Variants in POLQ observed in about 807,000 individuals in gnomAD.
The protein encoded by POLQ is DNA polymerase theta, also known as epididymis secretory sperm binding protein.
Under a neutral mutation model 259.2 loss-of-function variants are expected in POLQ, and 233 were observed. That is an observed-to-expected ratio of 0.90 (90% CI 0.81 to 1.00). POLQ has a LOEUF of 1.00. Ranked by LOEUF, POLQ falls within the 50% of genes least tolerant of loss-of-function variation. POLQ has a pLI of 0.00. For missense variants in POLQ, 2,871 were observed against 3,051.6 expected (o/e 0.94, Z 1.39); for synonymous variants, 1,025 against 1,048.8 (o/e 0.98, Z 0.44).
chr3:121,433,340 A>G (rs1312675398), intron 28 of POLQ, among the ~76,000 whole-genome samples: 1 of 152,174 alleles, frequency 6.6e-6, no homozygotes, highest in African/African-American at 2.4e-5. Context: ...CTATCCATGG[A>G]GTCCCCCAAC....
At chr3:121,458,515 C>T (rs73191799) in intron 25 of POLQ, among the ~76,000 whole-genome samples, 5,496 of 152,288 alleles carry the variant, frequency 0.036, 149 homozygotes, top group Middle Eastern at 0.082. Context: ...TTCTGTGCTT[C>T]AGTTTCCTCC....
Position 121,483,546 on chromosome 3 carries a change from G to T in POLQ, c.5810C>A (p.Pro1937Gln). ...SASLVPPSLD[P>Q]SLTLKDRMWY... ...CATCCTGTCTTTCAAAGTCAGGCTT[G>T]GATCTAAAGAAGGTGGAACCAAACT... The change falls in exon 18 of 30, where the codon CCA becomes CAA. Residue 1937 changes from proline to glutamine, a missense_variant. This residue lies in a region of POLQ where 2,080 missense variants were observed against 2,126.0 expected (regional missense o/e 0.98). Transcript: ENST00000264233. 3 of 1,564,444 alleles carry T rather than the reference G, an allele frequency of 1.9e-6. No homozygotes were observed. The highest frequency in any genetic ancestry group is 1.7e-6 in the Non-Finnish European group (2 of 1,162,628).
At chr3:121,539,997 T>C (rs946029045) in intron 3 of POLQ, among the ~76,000 whole-genome samples, 2 of 152,132 alleles carry the variant, frequency 1.3e-5, no homozygotes, top group African/African-American at 4.8e-5. Flanking sequence ...TAATGACCAA[T>C]TTTTTAATGT....
chr3:121,451,590 C>G (rs1026439636), intron 25 of POLQ, among the ~76,000 whole-genome samples: 1 of 152,246 alleles, frequency 6.6e-6, no homozygotes, highest in Non-Finnish European at 1.5e-5. Context: ...GCAGCGGAGG[C>G]TGCAGAACAG....
At chr3:121,541,862 T>C (rs562498576) in intron 2 of POLQ, among the ~76,000 whole-genome samples, 2 of 152,182 alleles carry the variant, frequency 1.3e-5, no homozygotes, top group South Asian at 4.1e-4. Context: ...TGGTGGCTCA[T>C]GCCTGTAATC....
chr3:121,522,711 C>T (rs1306804476), intron 7 of POLQ, among the ~76,000 whole-genome samples: 1 of 152,026 alleles, frequency 6.6e-6, no homozygotes, highest in Admixed American at 6.6e-5. Flanking sequence ...TTAAATCTCC[C>T]CAGGCAATTC....
rs200680671 is a variant in POLQ at position 121,498,674 on chromosome 3, A to C, written c.1960-4T>G. On this transcript the variant is annotated splice_region_variant and splice_polypyrimidine_tract_variant and intron_variant, in intron 12 of 29. Transcript: ENST00000264233. ...AATCCTCAAACATAGGTGTAACCTA[A>C]AAGGAAGAAGTATTATTCATTAACT... The C allele has an allele frequency of 3.8e-6, 6 of 1,594,624 alleles. No homozygotes were observed. In the East Asian group the frequency reaches 1.1e-4, roughly 30 times the overall value.
chr3:121,458,727 G>C (rs748322496), intron 25 of POLQ, among the ~76,000 whole-genome samples: 6 of 152,194 alleles, frequency 3.9e-5, no homozygotes, highest in Non-Finnish European at 8.8e-5. Flanking sequence ...GTTAGAGAAA[G>C]TGTTCCATGC....
intron 26 of POLQ, among the ~76,000 whole-genome samples, chr3:121,448,806 T>G (rs932684676): frequency 6.6e-6 from 1 of 152,200 alleles, no homozygotes; most frequent in Non-Finnish European, 1.5e-5. Context: ...TATGACCATA[T>G]GCATTTGTCA....
intron 12 of POLQ, among the ~76,000 whole-genome samples, 181 bp downstream of exon 12, chr3:121,509,380 A>G (rs1035574814): frequency 6.6e-6 from 1 of 152,234 alleles, no homozygotes; most frequent in African/African-American, 2.4e-5. Context: ...AAAGGTAACT[A>G]GAACATTTAG....
chr3:121,511,315 T>C (rs1199538975), intron 10 of POLQ, among the ~76,000 whole-genome samples: 2 of 149,552 alleles, frequency 1.3e-5, no homozygotes, highest in African/African-American at 2.5e-5. Flanking sequence ...CGAGAATTCC[T>C]TGAACCCAGG....
In POLQ at chr3:121,487,839, TAGA is replaced by T; in HGVS notation, c.5089_5091del (p.Ser1697del). On this transcript the variant is annotated inframe_deletion, in exon 16 of 30. Transcript: ENST00000264233. ...TCAATCTTGCTTTTTACTTCATTAT[TAGA>T]AGAAAATGAAATTCCCTGCACTTGT... 1 of 1,610,282 alleles carries T rather than the reference TAGA, an allele frequency of 6.2e-7. No homozygotes were observed. Among genetic ancestry groups the T allele is most frequent in the Non-Finnish European group, 8.5e-7 (1 of 1,178,862 alleles).
chr3:121,441,266 G>A (rs1418631956), intron 26 of POLQ, among the ~76,000 whole-genome samples: 4 of 151,998 alleles, frequency 2.6e-5, no homozygotes, highest in Admixed American at 6.6e-5. Flanking sequence ...AAAAATCAGT[G>A]CTGAGGTATA....
rs199746530 is a variant in POLQ at position 121,432,082 on chromosome 3, GTAAC to G, written c.*218_*221del. The G allele has an allele frequency of 3.2e-3, 1,346 of 414,586 alleles. 11 individuals carry two copies. The highest frequency in any genetic ancestry group is 0.025 in the African/African-American group (1,209 of 48,604). 25.7% of individuals were successfully genotyped at this position (414,586 alleles called of 1,614,324 possible). A position where few individuals can be genotyped will look rare whatever the true frequency, so the allele number is the denominator to read the frequency against. On this transcript the variant is annotated 3_prime_UTR_variant, in exon 30 of 30. Transcript: ENST00000264233. ...TCATAGATGCTCTTTGAAAGTGAAT[GTAAC>G]TATTATACTTGGTATTCTACTTCCC... is the stretch of plus-strand genomic sequence containing the variant.
intron 14 of POLQ, among the ~76,000 whole-genome samples, chr3:121,495,798 G>A (rs1413571212): frequency 7.1e-6 from 1 of 140,638 alleles, no homozygotes; most frequent in African/African-American, 2.7e-5. Flanking sequence ...TCAGTGAGCC[G>A]AGATGGCGCC....
chr3:121,482,265 T>A (rs1160685256), intron 18 of POLQ, among the ~76,000 whole-genome samples: 1 of 152,178 alleles, frequency 6.6e-6, no homozygotes, highest in African/African-American at 2.4e-5. Flanking sequence ...ACACCTGTAA[T>A]CCCAGCACTT....
rs557942609 is a variant in POLQ, at chr3:121,440,351, A to G, written c.7265-235T>C. 1.5e-3 allele frequency among the ~76,000 whole-genome samples: 229 copies of G among 152,254 alleles called. 1 individual carries two copies. Among genetic ancestry groups the G allele is most frequent in the Middle Eastern group, 0.014 (4 of 294 alleles). On this transcript the variant is annotated intron_variant, in intron 26 of 29. Transcript: ENST00000264233. ...CTCTTTGGGTTTTTTTGTTTTTGAG[A>G]CAGGATCTCGCTCACTCTGTCACCC...
At chr3:121,446,565 C>T (rs1277110134) in intron 26 of POLQ, among the ~76,000 whole-genome samples, 2 of 152,142 alleles carry the variant, frequency 1.3e-5, no homozygotes, top group African/African-American at 4.8e-5. Flanking sequence ...ATCTCTCTCT[C>T]TCTCTCTTTA....
chr3:121,487,663 A>C lies in POLQ; in HGVS notation c.5268T>G (p.Pro1756=), dbSNP rs1321732043. Residue 1756 remains proline (P), a synonymous_variant, in exon 16 of 30, where the codon CCT becomes CCG. Transcript: ENST00000264233. ...CATTATTAGTTTTCCAAGGGTTTAC[A>C]GGTGTTTCAAGAATCCCTGGAAATG... ...KLTFPGILET[P]VNPWKTNNVL... is the part of the protein sequence containing the mutation. 7.4e-6 allele frequency: 12 copies of C among 1,613,694 alleles called. No homozygotes were observed. The Admixed American group carries it at 1.8e-4, about 25-fold the overall frequency.
Sources: allele counts gnomAD v4.1 joint callset (sites outside exome capture counted in the v4.1 genomes callset), GRCh38; gene constraint gnomAD v4.1.1; regional missense constraint gnomAD v4.1.1; transcripts MANE v1.5; gene names NCBI Gene and HGNC (gene_info 2026-07-23, HGNC 2026-07-21).